The following EFR3A variants were observed in gnomAD, a reference collection of about 807,000 sequenced individuals.
EFR3A encodes the protein protein EFR3 homolog A.
Under a neutral mutation model 104.4 loss-of-function variants are expected in EFR3A, and 76 were observed. The observed-to-expected ratio is 0.73, with a 90% CI of 0.60 to 0.88. The LOEUF (loss-of-function observed/expected upper bound fraction) is 0.88, where lower values mean the gene tolerates loss of function less well. Ranked by LOEUF, EFR3A falls within the 40% of genes least tolerant of loss-of-function variation. EFR3A has a pLI of 0.00. For missense variants in EFR3A, 985 were observed against 1,012.5 expected (o/e 0.97, Z 0.37); for synonymous variants, 330 against 330.0 (o/e 1.00, Z 0.00).
rs1288001922 is a variant in EFR3A at position 131,997,038 on chromosome 8, T to C, written c.2157+541T>C. 2.0e-5 allele frequency among the ~76,000 whole-genome samples: 3 copies of C among 152,086 alleles called. No individual in the cohort carries two copies. In the East Asian group the frequency reaches 5.8e-4, roughly 29 times the overall value. On this transcript the variant is annotated intron_variant, in intron 19 of 22. Coordinates refer to ENST00000254624, the MANE Select transcript of EFR3A (RefSeq NM_015137.6). ...TGAACTATGTACTCTGTAAGGACTG[T>C]GGCTTATTTAAAACATCATAGATTT...
In EFR3A at chr8:131,940,534, T is replaced by C. The variant is rs1374769626; in HGVS notation, c.46T>C (p.Tyr16His). The C allele has an allele frequency of 3.1e-6, 5 of 1,608,772 alleles. No individual in the cohort carries two copies. Among genetic ancestry groups the C allele is most frequent in the Non-Finnish European group, 3.4e-6 (4 of 1,177,630 alleles). The change falls in exon 2 of 23, where the codon TAC (tyrosine) becomes CAC (histidine). Residue 16 changes from tyrosine to histidine, a missense_variant. Physicochemically the swap from Tyr to His is moderately conservative, Grantham distance 83. Transcript: ENST00000254624. ...CCCCSALRPR[Y>H]KRLVDNIFPE... Reference sequence around the variant, plus strand: ...CTGCTGTTCCGCTTTGCGTCCTCGCTACAAACGCCTGGTGGACAACATATT... The same window carrying C: ...CTGCTGTTCCGCTTTGCGTCCTCGCCACAAACGCCTGGTGGACAACATATT...
intron 2 of EFR3A, among the ~76,000 whole-genome samples, chr8:131,942,522 T>C (rs1231002834): frequency 6.6e-6 from 1 of 152,228 alleles, no homozygotes; most frequent in East Asian, 1.9e-4. Flanking sequence ...AAGTAATAAG[T>C]AGTACCGATC....
chr8:131,928,578 G>A (rs1428331788), intron 1 of EFR3A, among the ~76,000 whole-genome samples: 1 of 151,972 alleles, frequency 6.6e-6, no homozygotes, highest in Non-Finnish European at 1.5e-5. Flanking sequence ...TAATCTTGTT[G>A]TAAACTATGT....
At chr8:131,987,178 C>T (rs1006873746) in intron 17 of EFR3A, among the ~76,000 whole-genome samples, 1 of 151,948 alleles carries the variant, frequency 6.6e-6, no homozygotes, top group Non-Finnish European at 1.5e-5. Flanking sequence ...ACTTAGCTGG[C>T]TAATGTGGTT....
chr8:131,908,368 G>A (rs1279944078), intron 1 of EFR3A, among the ~76,000 whole-genome samples: 1 of 151,990 alleles, frequency 6.6e-6, no homozygotes, highest in Non-Finnish European at 1.5e-5. Flanking sequence ...CCATTTGAGG[G>A]GTTTTATATG....
chr8:131,984,265 G>A lies in EFR3A; in HGVS notation c.1702G>A (p.Val568Ile). 1 of 1,606,462 alleles carries A rather than the reference G, an allele frequency of 6.2e-7. No homozygotes were observed. The highest frequency in any genetic ancestry group is 8.5e-7 in the Non-Finnish European group (1 of 1,176,596). Residue 568 changes from valine (V) to isoleucine (I), a missense_variant, in exon 15 of 23, where the codon GTT becomes ATT. Transcript: ENST00000254624. ...ITIELANEEVVIDLIRLAIAL... is the reference protein window; with the variant it reads ...ITIELANEEVIIDLIRLAIAL... ...TATTGAACTGGCTAATGAAGAAGTAGTTATTGATCTCATTCGACTGGCCAT... is the reference window on the plus strand; with the variant it reads ...TATTGAACTGGCTAATGAAGAAGTAATTATTGATCTCATTCGACTGGCCAT...
Position 131,979,329 on chromosome 8 carries a change from A to G in EFR3A, c.1500-17A>G. On this transcript the variant is annotated splice_polypyrimidine_tract_variant and intron_variant, in intron 13 of 22. Coordinates refer to ENST00000254624, the MANE Select transcript of EFR3A (RefSeq NM_015137.6). ...AAGTGTGCTATTCATTAAAAATGAT[A>G]TATTGATCGTCTCTAGAATAATACC... 6.6e-7 allele frequency: 1 copy of G among 1,510,138 alleles called. No homozygotes were observed. The highest frequency in any genetic ancestry group is 1.2e-5 in the South Asian group (1 of 80,922). 93.5% of individuals were successfully genotyped at this position (1,510,138 alleles called of 1,614,324 possible).
chr8:131,929,399 T>C (rs1817471299), intron 1 of EFR3A, among the ~76,000 whole-genome samples: 1 of 152,180 alleles, frequency 6.6e-6, no homozygotes, highest in South Asian at 2.1e-4. Context: ...AGAGCCTTAA[T>C]AGATGTGGCT....
At position 132,010,710 on chromosome 8, in the gene EFR3A, G is replaced by T. The variant is rs145013370; in HGVS notation, c.2361-80G>T. The stretch of plus-strand genomic sequence containing the variant: ...ATTAAGGAGTCTGACTTTGATATTC[G>T]CAGATAGTAGATAGAATACTCGGTG... On this transcript the variant is annotated intron_variant, in intron 22 of 22. Transcript: ENST00000254624. The T allele has an allele frequency of 4.8e-5, 71 of 1,492,440 alleles. No homozygotes were observed. The African/African-American group carries it at 8.2e-4, about 17-fold the overall frequency. 92.4% of individuals were successfully genotyped at this position (1,492,440 alleles called of 1,614,324 possible).
intron 1 of EFR3A, among the ~76,000 whole-genome samples, chr8:131,925,200 A>G (rs1715317905): frequency 6.6e-6 from 1 of 152,118 alleles, no homozygotes; most frequent in Non-Finnish European, 1.5e-5. Context: ...ATGTCCTTTA[A>G]ATATTTGAGT....
chr8:131,963,118 G>A (rs1238968811), intron 8 of EFR3A, among the ~76,000 whole-genome samples: 1 of 152,150 alleles, frequency 6.6e-6, no homozygotes, highest in African/African-American at 2.4e-5. Flanking sequence ...GAGAAAGCAG[G>A]AAAGATCTAA....
intron 2 of EFR3A, among the ~76,000 whole-genome samples, chr8:131,941,223 A>G (rs1206623138): frequency 1.3e-5 from 2 of 152,068 alleles, no homozygotes; most frequent in Non-Finnish European, 2.9e-5. Context: ...TTTTTGTATA[A>G]CAATTATTTT....
intron 1 of EFR3A, among the ~76,000 whole-genome samples, chr8:131,906,497 T>C (rs1352973101): frequency 1.3e-5 from 2 of 152,204 alleles, no homozygotes; most frequent in African/African-American, 4.8e-5. Context: ...CAACCCTTGC[T>C]GTAAGTCATA....
intron 22 of EFR3A, among the ~76,000 whole-genome samples, chr8:132,009,629 T>A (rs1452370348): frequency 1.3e-5 from 2 of 152,028 alleles, no homozygotes; most frequent in Non-Finnish European, 2.9e-5. Context: ...TTGATCTCAT[T>A]TGGACAACTG....
At chr8:131,938,485 T>G (rs1342362284) in intron 1 of EFR3A, among the ~76,000 whole-genome samples, 1 of 152,170 alleles carries the variant, frequency 6.6e-6, no homozygotes, top group Non-Finnish European at 1.5e-5. Flanking sequence ...AATGAAAAAT[T>G]TTAACCTATA....
chr8:131,975,943 G>C (rs930234337), intron 10 of EFR3A, 84 bp from the exon 11 acceptor site: 1 of 778,620 alleles, frequency 1.3e-6, no homozygotes, highest in Non-Finnish European at 2.1e-6. Context: ...ACCACATATT[G>C]AAAACTTTGG....
At chr8:132,006,138 A>G (rs1822038494) in intron 22 of EFR3A, among the ~76,000 whole-genome samples, 1 of 152,160 alleles carries the variant, frequency 6.6e-6, no homozygotes, top group African/African-American at 2.4e-5. Flanking sequence ...CTTGCAAAGA[A>G]GAGAGATCTG....
chr8:131,926,501 G>T (rs1191491255), intron 1 of EFR3A, among the ~76,000 whole-genome samples: 6 of 151,996 alleles, frequency 3.9e-5, no homozygotes, highest in Non-Finnish European at 7.4e-5. Flanking sequence ...ACCTATAATG[G>T]CATATGGGGG....
chr8:131,984,227 T>C lies in EFR3A; in HGVS notation c.1664T>C (p.Leu555Pro). 1 of 1,611,326 alleles carries C rather than the reference T, an allele frequency of 6.2e-7. No individual in the cohort carries two copies. The highest frequency in any genetic ancestry group is 8.5e-7 in the Non-Finnish European group (1 of 1,178,442). Residue 555 changes from leucine (L) to proline (P), a missense_variant, in exon 15 of 23, where the codon CTT becomes CCT. Leu to Pro is a moderately conservative substitution (Grantham distance 98). Transcript: ENST00000254624. The part of the protein sequence containing the change: ...QKNYELLYTS[L>P]ALITIELANE... ...AACTATGAACTACTTTATACTTCTCTTGCTCTTATAACTATTGAACTGGCT... is the reference window on the plus strand; with the variant it reads ...AACTATGAACTACTTTATACTTCTCCTGCTCTTATAACTATTGAACTGGCT...
Sources: allele counts gnomAD v4.1 joint callset (sites outside exome capture counted in the v4.1 genomes callset), GRCh38; gene constraint gnomAD v4.1.1; transcripts MANE v1.5; gene names NCBI Gene and HGNC (gene_info 2026-07-23, HGNC 2026-07-21).